Variants in ANKRD11 observed in about 807,000 individuals in gnomAD.
The protein encoded by ANKRD11 is ankyrin repeat domain 11.
Under a neutral mutation model 195.7 loss-of-function variants are expected in ANKRD11, and 17 were observed. The observed-to-expected ratio is 0.09, with a 90% CI of 0.06 to 0.13. The LOEUF (loss-of-function observed/expected upper bound fraction) is 0.13, where lower values mean the gene tolerates loss of function less well. Among genes scored for constraint, ANKRD11 ranks in the 10% least tolerant of loss-of-function variants. The probability of loss-of-function intolerance (pLI) is 1.00; values close to 1 mark genes in which losing one functional copy is unlikely to be tolerated. For synonymous variants in ANKRD11, 1,953 were observed against 1,528.1 expected, an observed-to-expected ratio of 1.28 and a Z score of -6.49; for missense variants, 3,735 against 3,566.1, an observed-to-expected ratio of 1.05 and a Z score of -1.21.
intron 1 of ANKRD11, among the ~76,000 whole-genome samples, chr16:89,441,793 A>AAAAAAAAG (rs1555581853): frequency 2.1e-5 from 3 of 141,912 alleles, no homozygotes; most frequent in Admixed American, 7.1e-5. Context: ...AAAAAAAAAA[A>AAAAAAAAG]CGCAAACCTG....
At chr16:89,478,336 T>G (rs1458970586) in intron 1 of ANKRD11, among the ~76,000 whole-genome samples, 1 of 148,218 alleles carries the variant, frequency 6.7e-6, no homozygotes. Flanking sequence ...TTGGGGTTGG[T>G]TTTTTTTTTA....
Position 89,281,530 on chromosome 16 carries a change from G to A in ANKRD11, c.5012C>T (p.Ala1671Val), listed in dbSNP as rs1184056996. The A allele has an allele frequency of 1.9e-6, 3 of 1,614,226 alleles. No homozygotes were observed. In the South Asian group the frequency reaches 3.3e-5, roughly 18 times the overall value. Reference protein sequence around the residue: ...PPAAENKLHPASGADSKDWLA... With the variant: ...PPAAENKLHPVSGADSKDWLA... ...CCAGTCTTTGGAGTCTGCACCTGAT[G>A]CTGGGTGTAGCTTATTTTCCGCGGC... Residue 1671 changes from alanine (A) to valine (V), a missense_variant, in exon 9 of 13, where the codon GCA (alanine) becomes GTA (valine). Transcript: ENST00000301030. The surrounding 1 kb of genome is among the most constrained non-coding windows in gnomAD (Gnocchi z 5.5).
chr16:89,280,839 A>G lies in ANKRD11; in HGVS notation c.5703T>C (p.Pro1901=). The part of the protein sequence containing the change: ...SPSPRAELLV[P]SLEGALPPDL... The stretch of plus-strand genomic sequence containing the variant: ...CCGGGGGAAGGGCCCCTTCGAGGGA[A>G]GGAACCAGCAGCTCGGCTCTGGGGG... Residue 1901 remains proline (P), a synonymous_variant, in exon 9 of 13, where the codon CCT becomes CCC. Coordinates refer to ENST00000301030, the MANE Select transcript of ANKRD11 (RefSeq NM_013275.6). 1 of 1,601,104 alleles carries G rather than the reference A, an allele frequency of 6.2e-7. No homozygotes were observed. Among genetic ancestry groups the G allele is most frequent in the Non-Finnish European group, 8.5e-7 (1 of 1,170,262 alleles).
At position 89,475,194 on chromosome 16, in the gene ANKRD11, G is replaced by A. The variant is rs553402243; in HGVS notation, c.-145+15051C>T. ...GTTGGAGAGATGGACTAACTCACAG[G>A]TAGGAAAAAAGGCAATGACCACTCC... is the stretch of plus-strand genomic sequence containing the variant. On this transcript the variant is annotated intron_variant, in intron 1 of 12. Coordinates refer to ENST00000301030, the MANE Select transcript of ANKRD11 (RefSeq NM_013275.6). Among the ~76,000 whole-genome samples the A allele has an allele frequency of 3.9e-5, 6 of 152,274 alleles. No homozygotes were observed. In the South Asian group the frequency reaches 1.0e-3, roughly 26 times the overall value.
At chr16:89,270,456 TGCCCACCGCCCTG>T (rs2151673071) in intron 12 of ANKRD11, 1 of 374,036 alleles carries the variant, frequency 2.7e-6, no homozygotes, top group Non-Finnish European at 5.2e-6. Context: ...CCCCCGCCCC[TGCCCACCGCCCTG>T]GCCAGCACTT....
rs145138348 is a variant in ANKRD11, at chr16:89,367,287, G to A, written c.-59-50209C>T. Among the ~76,000 whole-genome samples the A allele has an allele frequency of 7.1e-3, 1,089 of 152,344 alleles. 10 individuals carry two copies. The highest frequency in any genetic ancestry group is 0.025 in the African/African-American group (1,041 of 41,578). On this transcript the variant is annotated intron_variant, in intron 2 of 12. Transcript: ENST00000301030. ...AGCGCCGCTCCAGACTCCTGCCGCA[G>A]GGGCCAGTGCTGGCCCAGCAGTACC... is the stretch of plus-strand genomic sequence containing the variant.
chr16:89,350,580 T>C (rs1408496389), intron 2 of ANKRD11, among the ~76,000 whole-genome samples: 1 of 152,126 alleles, frequency 6.6e-6, no homozygotes, highest in Non-Finnish European at 1.5e-5. Context: ...TCATATTAAA[T>C]TCTAGTAAAG....
chr16:89,462,732 G>A (rs1871300351), intron 1 of ANKRD11, among the ~76,000 whole-genome samples: 1 of 151,680 alleles, frequency 6.6e-6, no homozygotes, highest in Non-Finnish European at 1.5e-5. Flanking sequence ...CCCCGTCTGG[G>A]ATGTGAGGAG....
At chr16:89,294,011 A>G (rs538424691) in intron 4 of ANKRD11, among the ~76,000 whole-genome samples, 19 of 152,184 alleles carry the variant, frequency 1.2e-4, no homozygotes, top group African/African-American at 4.6e-4. Flanking sequence ...CGGCCATCTC[A>G]GGTGCAGCTC....
intron 1 of ANKRD11, among the ~76,000 whole-genome samples, chr16:89,476,962 A>G (rs754483504): frequency 2.6e-5 from 4 of 152,222 alleles, no homozygotes; most frequent in African/African-American, 4.8e-5. Flanking sequence ...AACAATCTAT[A>G]ATACGAGGAG....
chr16:89,270,304 CTG>C, intron 12 of ANKRD11: 1 of 222,276 alleles, frequency 4.5e-6, no homozygotes, highest in South Asian at 6.5e-5. Context: ...TGGCTGGTGA[CTG>C]TACAGGGTGA....
rs562735686 is a variant in ANKRD11, at chr16:89,312,483, C to A, written c.87+4450G>T. Among the ~76,000 whole-genome samples the A allele has an allele frequency of 4.6e-5, 7 of 152,320 alleles. No homozygotes were observed. The South Asian group carries it at 8.3e-4, about 18-fold the overall frequency. On this transcript the variant is annotated intron_variant, in intron 3 of 12. Coordinates refer to ENST00000301030, the MANE Select transcript of ANKRD11 (RefSeq NM_013275.6). ...GGTAAGCAGAAATGGTAGGAGCTGG[C>A]GGGCCACAGGCCGTGTGCTCTGAGC...
At chr16:89,419,395 G>T (rs1473874968) in intron 1 of ANKRD11, among the ~76,000 whole-genome samples, 1 of 151,454 alleles carries the variant, frequency 6.6e-6, no homozygotes, top group Admixed American at 6.6e-5. Context: ...AAAGGTTGCA[G>T]TGAGCTGAGA....
At chr16:89,434,048 G>C (rs990206521) in intron 1 of ANKRD11, among the ~76,000 whole-genome samples, 1 of 152,096 alleles carries the variant, frequency 6.6e-6, no homozygotes, top group African/African-American at 2.4e-5. Flanking sequence ...CACCTACAGA[G>C]AAGGGAGGAT....
chr16:89,433,475 C>T (rs1490830333), intron 1 of ANKRD11, among the ~76,000 whole-genome samples: 6 of 152,240 alleles, frequency 3.9e-5, no homozygotes, highest in Middle Eastern at 3.2e-3. Flanking sequence ...CTATTCAGAA[C>T]AGAGACACGG....
In ANKRD11 at chr16:89,396,865, T is replaced by C. The variant is rs1406887264; in HGVS notation, c.-60+21419A>G. Among the ~76,000 whole-genome samples, 4 of 152,142 alleles carry C rather than the reference T, an allele frequency of 2.6e-5. No homozygotes were observed. In the East Asian group the frequency reaches 7.7e-4, roughly 29 times the overall value. ...CCACACCCGGCTAATTTTTATATTT[T>C]TAGTAAAGACGGGGTTTCACCATGT... is the stretch of plus-strand genomic sequence containing the variant. On this transcript the variant is annotated intron_variant, in intron 2 of 12. Coordinates refer to ENST00000301030, the MANE Select transcript of ANKRD11 (RefSeq NM_013275.6).
chr16:89,317,053 G>T lies in ANKRD11; in HGVS notation c.-34C>A. The T allele has an allele frequency of 6.3e-7, 1 of 1,599,464 alleles. No homozygotes were observed. The highest frequency in any genetic ancestry group is 8.5e-7 in the Non-Finnish European group (1 of 1,172,300). On this transcript the variant is annotated 5_prime_UTR_variant, in exon 3 of 13. Transcript: ENST00000301030. ...TCCTCACCCGATCTTCATTTACACG[G>T]CCGGCGCTTCATCATCAACCGTCTG...
chr16:89,388,782 C>T (rs759091336), intron 2 of ANKRD11, among the ~76,000 whole-genome samples: 5 of 152,168 alleles, frequency 3.3e-5, no homozygotes, highest in East Asian at 1.9e-4. Flanking sequence ...GATCCCTGTC[C>T]GCAGCCCTGG....
rs2034501174 is a variant in ANKRD11 at position 89,284,418 on chromosome 16, T to A, written c.2124A>T (p.Lys708Asn). Residue 708 changes from lysine (K) to asparagine (N), a missense_variant, in exon 9 of 13, where the codon AAA (lysine) becomes AAT (asparagine). By Grantham distance (94) the Lys-to-Asn change is moderately conservative. Transcript: ENST00000301030. ...ATTTTTCATCTTTAAAGAGCCATTC[T>A]TTTTCTTCTAATTTCATTTTGCTAA... is the stretch of plus-strand genomic sequence containing the variant. ...EKLSKMKLEE[K>N]EWLFKDEKSL... 6.2e-7 allele frequency: 1 copy of A among 1,613,532 alleles called. No individual in the cohort carries two copies.
Sources: allele counts gnomAD v4.1 joint callset (sites outside exome capture counted in the v4.1 genomes callset), GRCh38; gene constraint gnomAD v4.1.1; non-coding constraint Gnocchi (gnomAD v3.1); transcripts MANE v1.5; gene names NCBI Gene and HGNC (gene_info 2026-07-23, HGNC 2026-07-21).